The following RIN3 variants were observed in gnomAD, a reference collection of about 807,000 sequenced individuals.
RIN3 encodes the protein Ras and Rab interactor 3.
A neutral mutation model predicts 76.3 loss-of-function variants in RIN3; 54 were observed. That is an observed-to-expected ratio of 0.71 (90% CI 0.57 to 0.89). The LOEUF is 0.89. Among genes scored for constraint, RIN3 ranks in the 40% least tolerant of loss-of-function variants. The probability of loss-of-function intolerance (pLI) is 0.00; values close to 1 mark genes in which losing one functional copy is unlikely to be tolerated. For missense variants in RIN3, 1,256 were observed against 1,322.1 expected (o/e 0.95, Z 0.78); for synonymous variants, 576 against 564.0 (o/e 1.02, Z -0.30).
intron 3 of RIN3, among the ~76,000 whole-genome samples, chr14:92,601,238 A>G (rs147250666): frequency 5.9e-5 from 9 of 152,308 alleles, no homozygotes; most frequent in African/African-American, 1.7e-4. Flanking sequence ...TGGCTATGAG[A>G]AAATTGATGT....
At chr14:92,516,080 AC>A (rs1174725231) in intron 1 of RIN3, among the ~76,000 whole-genome samples, 1 of 151,492 alleles carries the variant, frequency 6.6e-6, no homozygotes, top group Non-Finnish European at 1.5e-5. Flanking sequence ...CCTAGCAGGC[AC>A]CCCCATGCAG....
intron 1 of RIN3, among the ~76,000 whole-genome samples, chr14:92,537,900 G>A (rs796778270): frequency 4.0e-5 from 6 of 151,318 alleles, no homozygotes; most frequent in African/African-American, 1.2e-4. Context: ...ACAGTGGTGC[G>A]ACCTTGGACC....
intron 2 of RIN3, among the ~76,000 whole-genome samples, chr14:92,566,754 G>A (rs1311906350): frequency 6.6e-6 from 1 of 152,220 alleles, no homozygotes; most frequent in Non-Finnish European, 1.5e-5. Flanking sequence ...TGGCTCCAGA[G>A]CATGCGGGCA....
intron 7 of RIN3, among the ~76,000 whole-genome samples, chr14:92,662,354 G>A (rs763254761): frequency 2.6e-5 from 4 of 152,208 alleles, no homozygotes; most frequent in Non-Finnish European, 4.4e-5. Context: ...GAACAGCCTC[G>A]GGGAGAGCAG....
rs376150953 is a variant in RIN3 at position 92,652,551 on chromosome 14, G to A, written c.1502G>A (p.Gly501Asp). The A allele has an allele frequency of 1.2e-6, 2 of 1,613,222 alleles. No individual in the cohort carries two copies. The highest frequency in any genetic ancestry group is 1.7e-6 in the Non-Finnish European group (2 of 1,179,896). ...ETPTPGPPRE[G>D]QSPASQAGTQ... ...CCCACGCCGGGTCCACCCAGAGAGG[G>A]CCAAAGCCCTGCTTCTCAGGCTGGG... is the stretch of plus-strand genomic sequence containing the variant. Residue 501 changes from glycine to aspartate, a missense_variant, in exon 6 of 10, where the codon GGC (glycine) becomes GAC (aspartate). Transcript: ENST00000216487. The surrounding 1 kb of genome is among the most constrained non-coding windows in gnomAD (Gnocchi z 6.4).
chr14:92,589,655 C>T (rs563251580), intron 3 of RIN3, among the ~76,000 whole-genome samples: 1 of 152,314 alleles, frequency 6.6e-6, no homozygotes, highest in South Asian at 2.1e-4. Context: ...GAAATGGGCT[C>T]ATAATCATAG....
At chr14:92,517,332 A>G (rs1394980040) in intron 1 of RIN3, among the ~76,000 whole-genome samples, 1 of 152,140 alleles carries the variant, frequency 6.6e-6, no homozygotes, top group Non-Finnish European at 1.5e-5. Context: ...GGTTGAGGAA[A>G]CGGAAGACAA....
intron 1 of RIN3, among the ~76,000 whole-genome samples, chr14:92,530,259 T>G (rs145830157): frequency 6.6e-6 from 1 of 152,328 alleles, no homozygotes; most frequent in Non-Finnish European, 1.5e-5. Flanking sequence ...GCACTATCCC[T>G]CCAGTCTTGG....
At chr14:92,585,514 T>G (rs926968226) in intron 3 of RIN3, among the ~76,000 whole-genome samples, 1 of 152,236 alleles carries the variant, frequency 6.6e-6, no homozygotes, top group Non-Finnish European at 1.5e-5. Flanking sequence ...ATGGGCTCCC[T>G]TCCCAGGGAC....
At chr14:92,545,401 C>A (rs1157818870) in intron 1 of RIN3, among the ~76,000 whole-genome samples, 1 of 152,000 alleles carries the variant, frequency 6.6e-6, no homozygotes, top group Non-Finnish European at 1.5e-5. Flanking sequence ...GGAGCCACCG[C>A]GCCCGGCCTA....
At chr14:92,680,528 C>T (rs1291891522) in intron 8 of RIN3, among the ~76,000 whole-genome samples, 1 of 152,204 alleles carries the variant, frequency 6.6e-6, no homozygotes, top group Non-Finnish European at 1.5e-5. Context: ...GCACTAATCC[C>T]ATTTATGAGG....
chr14:92,603,966 G>T (rs1453674142), intron 3 of RIN3, among the ~76,000 whole-genome samples: 1 of 152,270 alleles, frequency 6.6e-6, no homozygotes, highest in African/African-American at 2.4e-5. Context: ...TAAGCCCTGT[G>T]ACGGTAGCAA....
intron 1 of RIN3, among the ~76,000 whole-genome samples, chr14:92,533,819 A>G (rs1355755436): frequency 6.6e-6 from 1 of 152,204 alleles, no homozygotes; most frequent in Non-Finnish European, 1.5e-5. Flanking sequence ...ACCACTAAAT[A>G]ACTTACTCAG....
At chr14:92,674,190 C>T (rs531217402) in intron 7 of RIN3, among the ~76,000 whole-genome samples, 12 of 152,254 alleles carry the variant, frequency 7.9e-5, no homozygotes, top group Non-Finnish European at 4.4e-5. Flanking sequence ...GAGCTTGCTA[C>T]GGTCCACAGC....
intron 8 of RIN3, among the ~76,000 whole-genome samples, chr14:92,678,006 C>T (rs955689480): frequency 6.6e-6 from 1 of 150,406 alleles, no homozygotes; most frequent in African/African-American, 2.4e-5. Context: ...TACCCATCCA[C>T]ATTTCCATCT....
At chr14:92,552,129 GGGACT>G (rs898958830) in intron 1 of RIN3, among the ~76,000 whole-genome samples, 2 of 152,208 alleles carry the variant, frequency 1.3e-5, no homozygotes, top group African/African-American at 4.8e-5. Flanking sequence ...TAAACATGAA[GGGACT>G]GGACCGGATT....
chr14:92,599,551 G>A (rs967278335), intron 3 of RIN3, among the ~76,000 whole-genome samples: 4 of 152,170 alleles, frequency 2.6e-5, no homozygotes, highest in Non-Finnish European at 5.9e-5. Context: ...CGCAGTGAGC[G>A]TCGGTGCCTG....
At chr14:92,539,668 G>A (rs1475174850) in intron 1 of RIN3, among the ~76,000 whole-genome samples, 1 of 152,162 alleles carries the variant, frequency 6.6e-6, no homozygotes, top group African/African-American at 2.4e-5. Context: ...GGACAGGCAG[G>A]CTGAGTCAGT....
At chr14:92,543,647 A>G (rs1035232404) in intron 1 of RIN3, among the ~76,000 whole-genome samples, 6 of 111,502 alleles carry the variant, frequency 5.4e-5, no homozygotes, top group Non-Finnish European at 8.8e-5. Context: ...TTTTTTTTAA[A>G]TCTTGGCTCA....
Sources: gnomAD v4.1 joint callset for allele counts (sites outside exome capture counted in the v4.1 genomes callset) on GRCh38, gnomAD v4.1.1 for gene constraint, Gnocchi (gnomAD v3.1) non-coding constraint, MANE v1.5 for transcripts, NCBI Gene and HGNC (gene_info 2026-07-23, HGNC 2026-07-21) for gene names.